Variants in LRRFIP1 observed in about 807,000 individuals in gnomAD.
LRRFIP1 encodes LRR binding FLII interacting protein 1, also known as leucine-rich repeat flightless-interacting protein 1.
Under a neutral mutation model 104.4 loss-of-function variants are expected in LRRFIP1, and 62 were observed. The observed-to-expected ratio is 0.59, with a 90% CI of 0.48 to 0.73. LRRFIP1 has a LOEUF of 0.73. LRRFIP1 is among the 30% of genes least tolerant of loss of function. The probability of loss-of-function intolerance (pLI) is 0.00; values close to 1 mark genes in which losing one functional copy is unlikely to be tolerated. For synonymous variants in LRRFIP1, 300 were observed against 299.0 expected, an observed-to-expected ratio of 1.00 and a Z score of -0.03; for missense variants, 796 against 824.5, an observed-to-expected ratio of 0.97 and a Z score of 0.42.
chr2:237,767,985 A>G (rs942804302), intron 19 of LRRFIP1, among the ~76,000 whole-genome samples: 2 of 152,196 alleles, frequency 1.3e-5, no homozygotes, highest in African/African-American at 2.4e-5. Context: ...TTTTGTCCCT[A>G]TCTACTGCCT....
At position 237,661,804 on chromosome 2, in the gene LRRFIP1, T is replaced by C. The variant is rs1037336921; in HGVS notation, c.96+34064T>C. Among the ~76,000 whole-genome samples the C allele has an allele frequency of 1.3e-5, 2 of 152,148 alleles. No individual in the cohort carries two copies. Among genetic ancestry groups the C allele is most frequent in the Non-Finnish European group, 2.9e-5 (2 of 68,018 alleles). ...TGTTTCCTGAGTCAATCCGCTGTAG[T>C]TCTGTGGCCCAGCTGAGTGGCATAG... On this transcript the variant is annotated intron_variant, in intron 1 of 23. Transcript: ENST00000308482. The surrounding 1 kb of genome is among the most constrained non-coding windows in gnomAD (Gnocchi z 4.4).
In LRRFIP1 at chr2:237,766,943, G is replaced by A. The variant is rs1170355085; in HGVS notation, c.1460-3000G>A. On this transcript the variant is annotated intron_variant, in intron 19 of 23. Coordinates refer to ENST00000308482, the MANE Select transcript of LRRFIP1 (RefSeq NM_001137550.2). The surrounding 1 kb of genome is among the most constrained non-coding windows in gnomAD (Gnocchi z 4.8). ...CCCAGCACGTGGGAGGCCGAGGCAG[G>A]CAGATCACTTAAGCCCAGGAGTTCA... is the stretch of plus-strand genomic sequence containing the variant. 1.3e-5 allele frequency among the ~76,000 whole-genome samples: 2 copies of A among 152,238 alleles called. No individual in the cohort carries two copies. The highest frequency in any genetic ancestry group is 1.3e-4 in the Admixed American group (2 of 15,282).
chr2:237,758,205 C>T (rs145515866), intron 17 of LRRFIP1, among the ~76,000 whole-genome samples: 226 of 151,332 alleles, frequency 1.5e-3, no homozygotes, highest in African/African-American at 5.2e-3. Flanking sequence ...TCCACTGTCA[C>T]GCTCATCAGC....
Position 237,757,510 on chromosome 2 carries a change from C to T in LRRFIP1, c.1186C>T (p.Leu396Phe), listed in dbSNP as rs1156899535. 1.3e-6 allele frequency: 2 copies of T among 1,593,444 alleles called. No homozygotes were observed. The highest frequency in any genetic ancestry group is 1.7e-6 in the Non-Finnish European group (2 of 1,169,790). The change falls in exon 17 of 24, where the codon CTT becomes TTT. Residue 396 changes from leucine (L) to phenylalanine (F), a missense_variant. By Grantham distance (22) the Leu-to-Phe change is conservative (BLOSUM62 0). Transcript: ENST00000308482. ...GAGTTCTATCAGGGAGATTTCTGATCTTCAGGAAACAATAGAGTGGAAAGA... is the reference window on the plus strand; with the variant it reads ...GAGTTCTATCAGGGAGATTTCTGATTTTCAGGAAACAATAGAGTGGAAAGA... ...QASSIREISD[L>F]QETIEWKDKK...
chr2:237,734,482 G>A (rs2095166755), intron 9 of LRRFIP1, among the ~76,000 whole-genome samples: 1 of 151,888 alleles, frequency 6.6e-6, no homozygotes, highest in Non-Finnish European at 1.5e-5. Flanking sequence ...GTTTCACCAC[G>A]TTGGCCAGGC....
chr2:237,700,010 G>C (rs1368196461), intron 1 of LRRFIP1, among the ~76,000 whole-genome samples: 3 of 152,216 alleles, frequency 2.0e-5, no homozygotes, highest in Non-Finnish European at 4.4e-5. Flanking sequence ...GGGGGACATG[G>C]GGTGGTGGGT....
intron 2 of LRRFIP1, among the ~76,000 whole-genome samples, chr2:237,713,682 A>G (rs2094206016): frequency 6.6e-6 from 1 of 152,242 alleles, no homozygotes; most frequent in Admixed American, 6.5e-5. Flanking sequence ...TTATCTAGTG[A>G]TTACTACAAA....
intron 1 of LRRFIP1, chr2:237,683,366 G>A (rs1038106879): frequency 9.2e-5 from 14 of 152,268 alleles, no homozygotes; most frequent in African/African-American, 3.1e-4. Context: ...GACGTGGTCA[G>A]GAGTGGCTAT....
At chr2:237,758,067 A>C (rs1475312339) in intron 17 of LRRFIP1, among the ~76,000 whole-genome samples, 1 of 152,150 alleles carries the variant, frequency 6.6e-6, no homozygotes, top group East Asian at 1.9e-4. Context: ...AGAACCCCAC[A>C]AAGTAGTTGT....
rs1195568268 is a variant in LRRFIP1 at position 237,754,938 on chromosome 2, G to C, written c.1039-1157G>C. Reference sequence around the variant, plus strand: ...ATGCTGTCCCGAGATGGACACAGGGGCCATGCAAAGCCCCACAGGAGGGCC... The same window carrying C: ...ATGCTGTCCCGAGATGGACACAGGGCCCATGCAAAGCCCCACAGGAGGGCC... On this transcript the variant is annotated intron_variant, in intron 15 of 23. Coordinates refer to ENST00000308482, the MANE Select transcript of LRRFIP1 (RefSeq NM_001137550.2). Among the ~76,000 whole-genome samples the C allele has an allele frequency of 2.0e-5, 3 of 152,202 alleles. No homozygotes were observed. In the East Asian group the frequency reaches 5.8e-4, roughly 29 times the overall value.
intron 1 of LRRFIP1, among the ~76,000 whole-genome samples, chr2:237,638,729 A>G (rs902291289): frequency 2.6e-5 from 4 of 152,218 alleles, no homozygotes; most frequent in Non-Finnish European, 5.9e-5. Context: ...ATAGCCATGG[A>G]AGTCTTGGGG....
At chr2:237,701,279 GA>G (rs1479512085) in intron 1 of LRRFIP1, among the ~76,000 whole-genome samples, 1 of 152,190 alleles carries the variant, frequency 6.6e-6, no homozygotes, top group Admixed American at 6.5e-5. Context: ...CCACAAGAAG[GA>G]TACAAATGCC....
intron 2 of LRRFIP1, 101 bp downstream of exon 2, chr2:237,708,731 C>G (rs1364954548): frequency 7.9e-7 from 1 of 1,271,964 alleles, no homozygotes; most frequent in African/African-American, 1.5e-5. Context: ...ACCTGGCTGT[C>G]TCACGTTGCT....
chr2:237,733,893 C>T lies in LRRFIP1; in HGVS notation c.489+75C>T, dbSNP rs1472416206. The T allele has an allele frequency of 2.2e-5, 33 of 1,507,668 alleles. No individual in the cohort carries two copies. In the South Asian group the frequency reaches 2.4e-4, roughly 11 times the overall value. The allele number at this position is 1,507,668 out of a possible 1,614,324, so 93.4% of individuals were successfully genotyped here. A position where few individuals can be genotyped will look rare whatever the true frequency, so the allele number is the denominator to read the frequency against. The stretch of plus-strand genomic sequence containing the variant: ...GCACCGCCCCCACCAAGCCCAGAGC[C>T]GGGGATGTGCCTGTTCCCAGCCCCC... On this transcript the variant is annotated intron_variant, in intron 9 of 23. Coordinates refer to ENST00000308482, the MANE Select transcript of LRRFIP1 (RefSeq NM_001137550.2).
Position 237,736,727 on chromosome 2 carries a change from A to C in LRRFIP1, c.555+1394A>C, listed in dbSNP as rs186869426. On this transcript the variant is annotated intron_variant, in intron 10 of 23. Coordinates refer to ENST00000308482, the MANE Select transcript of LRRFIP1 (RefSeq NM_001137550.2). ...GGCCTTAGAGAGTTAAGAAAACAGGAGGTCATCTTGTCCTGACAGCACAGC... is the reference window on the plus strand; with the variant it reads ...GGCCTTAGAGAGTTAAGAAAACAGGCGGTCATCTTGTCCTGACAGCACAGC... 3.4e-3 allele frequency among the ~76,000 whole-genome samples: 519 copies of C among 152,286 alleles called. 1 individual carries two copies. The highest frequency in any genetic ancestry group is 0.02 in the Middle Eastern group (6 of 294).
chr2:237,711,246 C>T lies in LRRFIP1; in HGVS notation c.183+2616C>T, dbSNP rs756555504. Reference sequence around the variant, plus strand: ...TGAAATCGGGAAGTCTCACGTAAAACGCCATGGTTTGCCTTCTTCAGCATG... The same window carrying T: ...TGAAATCGGGAAGTCTCACGTAAAATGCCATGGTTTGCCTTCTTCAGCATG... On this transcript the variant is annotated intron_variant, in intron 2 of 23. Coordinates refer to ENST00000308482, the MANE Select transcript of LRRFIP1 (RefSeq NM_001137550.2). The surrounding 1 kb of genome is among the most constrained non-coding windows in gnomAD (Gnocchi z 4.4). 6.6e-5 allele frequency among the ~76,000 whole-genome samples: 10 copies of T among 152,200 alleles called. No individual in the cohort carries two copies. The highest frequency in any genetic ancestry group is 1.3e-4 in the Admixed American group (2 of 15,284).
rs150876604 is a variant in LRRFIP1, at chr2:237,672,586, G to C, written c.97-35958G>C. Among the ~76,000 whole-genome samples, 6 of 152,252 alleles carry C rather than the reference G, an allele frequency of 3.9e-5. No individual in the cohort carries two copies. The East Asian group carries it at 9.6e-4, about 24-fold the overall frequency. The stretch of plus-strand genomic sequence containing the variant: ...ATGATCAGATGGCTCTGTCAAAATG[G>C]AAAGAAAGCAGGGAATTTTCTGTAC... On this transcript the variant is annotated intron_variant, in intron 1 of 23. Transcript: ENST00000308482.
chr2:237,729,811 C>T, intron 8 of LRRFIP1: 2 of 985,404 alleles, frequency 2.0e-6, no homozygotes, highest in African/African-American at 1.7e-5. Context: ...AGCAGATTCT[C>T]TACTTTGTCA....
At chr2:237,692,576 G>A in intron 1 of LRRFIP1, 2 of 1,464,884 alleles carry the variant, frequency 1.4e-6, no homozygotes, top group Non-Finnish European at 1.8e-6. Flanking sequence ...GGGTTTCAGG[G>A]GCTTCCAGCT....
Sources: allele counts gnomAD v4.1 joint callset (sites outside exome capture counted in the v4.1 genomes callset), GRCh38; gene constraint gnomAD v4.1.1; non-coding constraint Gnocchi (gnomAD v3.1); transcripts MANE v1.5; gene names NCBI Gene and HGNC (gene_info 2026-07-23, HGNC 2026-07-21).